Variants in PREX2 observed in about 807,000 individuals in gnomAD.
PREX2 encodes the protein phosphatidylinositol-3,4,5-trisphosphate dependent Rac exchange factor 2, also known as phosphatidylinositol 3,4,5-trisphosphate-dependent Rac exchanger 2 protein.
PREX2 carries 107 observed loss-of-function variants against 203.2 expected under a neutral mutation model. The ratio of observed to expected loss-of-function variants is 0.53; its 90% CI spans 0.45 to 0.62. The LOEUF (loss-of-function observed/expected upper bound fraction) is 0.62. Among genes scored for constraint, PREX2 ranks in the 20% least tolerant of loss-of-function variants. The pLI, the probability that PREX2 is intolerant of heterozygous loss-of-function variation, is 0.00. For synonymous variants in PREX2, 672 were observed against 663.6 expected (o/e 1.01, Z -0.19); for missense variants, 1,777 against 1,955.9 (o/e 0.91, Z 1.72).
rs558347644 is a variant in PREX2, at chr8:68,194,340, A to T, written c.4604+1815A>T. Among the ~76,000 whole-genome samples the T allele has an allele frequency of 4.6e-5, 7 of 152,318 alleles. No individual in the cohort carries two copies. The South Asian group carries it at 1.2e-3, about 27-fold the overall frequency. On this transcript the variant is annotated intron_variant, in intron 37 of 39. Coordinates refer to ENST00000288368, the MANE Select transcript of PREX2 (RefSeq NM_024870.4). ...AAATATGTAATGTGGCAAGTGGAAT[A>T]AATCCAAAAAAGAACAGAATTCAAA...
At chr8:68,119,360 A>G in intron 27 of PREX2, 72 bp from the exon 28 acceptor site, 1 of 909,996 alleles carries the variant, frequency 1.1e-6, no homozygotes, top group Admixed American at 1.7e-5. Context: ...ATTGAATATT[A>G]CAATATTTTG....
intron 37 of PREX2, among the ~76,000 whole-genome samples, chr8:68,194,472 G>A (rs764104773): frequency 1.3e-5 from 2 of 152,042 alleles, no homozygotes; most frequent in Non-Finnish European, 2.9e-5. Flanking sequence ...TGTGATGGGG[G>A]ATTTCATAAG....
intron 30 of PREX2, among the ~76,000 whole-genome samples, chr8:68,124,246 C>A (rs1165996143): frequency 1.3e-5 from 2 of 152,104 alleles, no homozygotes; most frequent in Non-Finnish European, 2.9e-5. Context: ...CTCAAATGCC[C>A]ATCAGTGGTA....
At chr8:68,088,675 T>TC (rs140021870) in intron 19 of PREX2, among the ~76,000 whole-genome samples, 109,770 of 151,902 alleles carry the variant, frequency 0.72, 39,746 homozygotes, top group African/African-American at 0.76. Context: ...CAGAAAGCTG[T>TC]GTTTCTCTCA....
chr8:67,961,154 A>T (rs2129017344), intron 1 of PREX2, among the ~76,000 whole-genome samples: 1 of 152,154 alleles, frequency 6.6e-6, no homozygotes, highest in Admixed American at 6.5e-5. Context: ...GCATTTTCTT[A>T]ACAATTCTTT....
chr8:68,105,502 T>C, intron 23 of PREX2: 1 of 1,159,874 alleles, frequency 8.6e-7, no homozygotes, highest in Non-Finnish European at 1.1e-6. Context: ...AGCAAGAGAA[T>C]CTTCTGCCAG....
At chr8:68,152,069 C>G (rs1462126859) in intron 34 of PREX2, among the ~76,000 whole-genome samples, 1 of 151,294 alleles carries the variant, frequency 6.6e-6, no homozygotes, top group African/African-American at 2.4e-5. Flanking sequence ...GTGGGTGGAT[C>G]ACGAGGTCAG....
chr8:68,121,231 G>A (rs1810767874), intron 30 of PREX2, among the ~76,000 whole-genome samples, 182 bp downstream of exon 30: 1 of 152,094 alleles, frequency 6.6e-6, no homozygotes, highest in African/African-American at 2.4e-5. Flanking sequence ...ATAGGGTCTT[G>A]TGTCCCAAGG....
At chr8:67,983,248 T>C (rs59194290) in intron 1 of PREX2, among the ~76,000 whole-genome samples, 3,489 of 113,250 alleles carry the variant, frequency 0.031, 126 homozygotes, top group African/African-American at 0.098. Context: ...GGATCAATGG[T>C]GAAAGAAACA....
At chr8:68,131,217 T>C (rs1158092035) in intron 31 of PREX2, among the ~76,000 whole-genome samples, 1 of 152,216 alleles carries the variant, frequency 6.6e-6, no homozygotes, top group African/African-American at 2.4e-5. Context: ...GCTGTAAATA[T>C]AAATAGGGGA....
At chr8:68,043,652 G>T (rs1808261819) in intron 7 of PREX2, among the ~76,000 whole-genome samples, 1 of 152,070 alleles carries the variant, frequency 6.6e-6, no homozygotes, top group South Asian at 2.1e-4. Context: ...GAAATCTCTT[G>T]AGTGACTAGG....
At position 68,060,052 on chromosome 8, in the gene PREX2, A is replaced by G. The variant is rs183880602; in HGVS notation, c.1239-627A>G. Reference sequence around the variant, plus strand: ...TAAAGTCTACTGACTTGGAGTTTTAATTACATATGCAAAACTCCCTTCAGA... The same window carrying G: ...TAAAGTCTACTGACTTGGAGTTTTAGTTACATATGCAAAACTCCCTTCAGA... On this transcript the variant is annotated intron_variant, in intron 10 of 39. Transcript: ENST00000288368. 2.0e-5 allele frequency among the ~76,000 whole-genome samples: 3 copies of G among 152,302 alleles called. No homozygotes were observed. In the East Asian group the frequency reaches 5.8e-4, roughly 29 times the overall value.
chr8:68,106,751 T>G lies in PREX2; in HGVS notation c.2716-1358T>G, dbSNP rs1019206680. On this transcript the variant is annotated intron_variant, in intron 23 of 39. Transcript: ENST00000288368. Reference sequence around the variant, plus strand: ...GACCAGTCATAGTCTTAATTTTTATTCTTATTCATGCCAAAATTATTACTC... The same window carrying G: ...GACCAGTCATAGTCTTAATTTTTATGCTTATTCATGCCAAAATTATTACTC... 5.9e-5 allele frequency among the ~76,000 whole-genome samples: 9 copies of G among 152,138 alleles called. 1 individual carries two copies. Among genetic ancestry groups the G allele is most frequent in the African/African-American group, 2.2e-4 (9 of 41,440 alleles).
intron 8 of PREX2, among the ~76,000 whole-genome samples, chr8:68,048,278 G>A (rs1808427022): frequency 6.6e-6 from 1 of 151,988 alleles, no homozygotes; most frequent in African/African-American, 2.4e-5. Flanking sequence ...TAATTTTCAT[G>A]GTAATTTTTA....
intron 7 of PREX2, among the ~76,000 whole-genome samples, chr8:68,044,121 A>G (rs1808273452): frequency 6.6e-6 from 1 of 152,140 alleles, no homozygotes; most frequent in Non-Finnish European, 1.5e-5. Flanking sequence ...AAAATGAGTC[A>G]TGAAGGTGAA....
At chr8:68,135,377 T>G (rs1811095792) in intron 32 of PREX2, among the ~76,000 whole-genome samples, 1 of 152,100 alleles carries the variant, frequency 6.6e-6, no homozygotes, top group Non-Finnish European at 1.5e-5. Flanking sequence ...CCCTTAAAAT[T>G]CAACAGTAAA....
intron 1 of PREX2, among the ~76,000 whole-genome samples, chr8:67,955,710 A>G (rs1051324103): frequency 6.6e-6 from 1 of 152,202 alleles, no homozygotes; most frequent in Non-Finnish European, 1.5e-5. Context: ...TGCTTGTGAC[A>G]TTGTAGGTCC....
chr8:68,192,142 G>A (rs1281577857), intron 36 of PREX2, among the ~76,000 whole-genome samples, 193 bp from the exon 37 acceptor site: 4 of 152,082 alleles, frequency 2.6e-5, no homozygotes. Context: ...TGCAGTTAGT[G>A]CTATTGGCTG....
In PREX2 at chr8:68,127,942, A is replaced by G. The variant is rs914868062; in HGVS notation, c.3766+523A>G. ...TGTCATAAAGGCAGGCACTATGTCT[A>G]TTTTGTTCATCAGCAAATGCCTAAA... On this transcript the variant is annotated intron_variant, in intron 31 of 39. Transcript: ENST00000288368. Among the ~76,000 whole-genome samples the G allele has an allele frequency of 4.4e-4, 67 of 152,300 alleles. 1 individual carries two copies. The highest frequency in any genetic ancestry group is 1.4e-3 in the African/African-American group (58 of 41,580).
Sources: gnomAD v4.1 joint callset for allele counts (sites outside exome capture counted in the v4.1 genomes callset) on GRCh38, gnomAD v4.1.1 for gene constraint, MANE v1.5 for transcripts, NCBI Gene and HGNC (gene_info 2026-07-23, HGNC 2026-07-21) for gene names.